The following CFAP20DC variants were observed in gnomAD, a reference collection of about 807,000 sequenced individuals.
The protein encoded by CFAP20DC is protein CFAP20DC.
In CFAP20DC, 84 loss-of-function variants were observed where a neutral mutation model predicts 101.7. The observed-to-expected ratio is 0.83, with a 90% CI of 0.69 to 0.99. The LOEUF (loss-of-function observed/expected upper bound fraction) is 0.99. Among genes scored for constraint, CFAP20DC ranks in the 50% least tolerant of loss-of-function variants. The pLI is 0.00. For missense variants in CFAP20DC, 1,007 were observed against 970.3 expected (o/e 1.04, Z -0.50); for synonymous variants, 359 against 351.2 (o/e 1.02, Z -0.25).
chr3:58,763,326 G>A (rs1299332855), intron 15 of CFAP20DC, among the ~76,000 whole-genome samples: 1 of 140,198 alleles, frequency 7.1e-6, no homozygotes, highest in African/African-American at 2.6e-5. Flanking sequence ...CCAGTTGATC[G>A]AATCGGCTAC....
chr3:58,936,605 A>T (rs1426868164), intron 5 of CFAP20DC, among the ~76,000 whole-genome samples: 1 of 152,188 alleles, frequency 6.6e-6, no homozygotes, highest in East Asian at 1.9e-4. Flanking sequence ...TAAAAAATGA[A>T]GAGTTCATGT....
intron 4 of CFAP20DC, among the ~76,000 whole-genome samples, chr3:59,032,564 T>A (rs2094016964): frequency 6.6e-6 from 1 of 152,016 alleles, no homozygotes. Flanking sequence ...CCCCTCACAG[T>A]GAAAACAAAG....
intron 6 of CFAP20DC, 53 bp from the exon 7 acceptor site, chr3:58,884,762 T>C (rs2081484392): frequency 1.4e-6 from 2 of 1,400,276 alleles, no homozygotes; most frequent in East Asian, 2.3e-5. Context: ...TTCTGCCAAA[T>C]GGACCTATCA....
chr3:58,994,895 G>T (rs1224923967), intron 4 of CFAP20DC, among the ~76,000 whole-genome samples: 1 of 151,898 alleles, frequency 6.6e-6, no homozygotes, highest in African/African-American at 2.4e-5. Context: ...AAGGTTCTTT[G>T]TGACAGGGTT....
chr3:58,798,534 T>A (rs1205597162), intron 15 of CFAP20DC, among the ~76,000 whole-genome samples: 1 of 152,216 alleles, frequency 6.6e-6, no homozygotes, highest in Non-Finnish European at 1.5e-5. Flanking sequence ...TAAACACTAG[T>A]TGTAATGACA....
At chr3:58,872,904 G>A (rs867674378) in intron 7 of CFAP20DC, among the ~76,000 whole-genome samples, 1 of 150,924 alleles carries the variant, frequency 6.6e-6, no homozygotes, top group Middle Eastern at 3.4e-3. Context: ...TGTTCAAGCA[G>A]AATTCCGGAT....
At chr3:58,883,577 A>G (rs1353399999) in intron 7 of CFAP20DC, among the ~76,000 whole-genome samples, 1 of 152,168 alleles carries the variant, frequency 6.6e-6, no homozygotes. Context: ...TTTATTTATT[A>G]TAAGTACTTA....
chr3:58,937,688 A>G lies in CFAP20DC; in HGVS notation c.353T>C (p.Leu118Pro). Residue 118 changes from leucine (L) to proline (P), a missense_variant, in exon 5 of 17, where the codon CTT becomes CCT. Transcript: ENST00000482387. ...CATGAAGAGTGGAATTTTTGCATGA[A>G]GAGGGGTGGAGGATAGTTCCTTATG... Reference protein sequence around the residue: ...TVHKELSSTPLHAKIPLFMIK... With the variant: ...TVHKELSSTPPHAKIPLFMIK... 1 of 1,612,598 alleles carries G rather than the reference A, an allele frequency of 6.2e-7. No homozygotes were observed. Among genetic ancestry groups the G allele is most frequent in the Non-Finnish European group, 8.5e-7 (1 of 1,178,664 alleles).
At chr3:58,841,029 G>T (rs2077064381) in intron 13 of CFAP20DC, among the ~76,000 whole-genome samples, 1 of 152,174 alleles carries the variant, frequency 6.6e-6, no homozygotes, top group Non-Finnish European at 1.5e-5. Context: ...TTTGACAGAG[G>T]GTTCTGTTTG....
intron 13 of CFAP20DC, among the ~76,000 whole-genome samples, chr3:58,846,998 T>G (rs2077714194): frequency 7.5e-6 from 1 of 133,116 alleles, no homozygotes; most frequent in Non-Finnish European, 1.6e-5. Flanking sequence ...TCCTTACACC[T>G]TATACAAAAA....
chr3:58,801,097 G>A (rs778617704), intron 15 of CFAP20DC, among the ~76,000 whole-genome samples: 1 of 151,926 alleles, frequency 6.6e-6, no homozygotes, highest in Admixed American at 6.6e-5. Flanking sequence ...GTAAGTTCCT[G>A]CCTTAGAGGA....
At position 59,039,604 on chromosome 3, in the gene CFAP20DC, T is replaced by C. The variant is rs917126780; in HGVS notation, c.231A>G (p.Val77=). The C allele has an allele frequency of 5.2e-6, 8 of 1,528,318 alleles. No individual in the cohort carries two copies. The highest frequency in any genetic ancestry group is 7.0e-6 in the Non-Finnish European group (8 of 1,142,174). The allele number at this position is 1,528,318 out of a possible 1,614,324, so 94.7% of individuals were successfully genotyped here. The change falls in exon 4 of 17, where the codon GTA becomes GTG. Residue 77 remains valine, a synonymous_variant. Coordinates refer to ENST00000482387, the MANE Select transcript of CFAP20DC (RefSeq NM_001394063.1). Reference sequence around the variant, plus strand: ...GTCCCAGGGGTACGTAAATCTGAAGTACAAGAAACCTCTGGATCAATCCAA... The same window carrying C: ...GTCCCAGGGGTACGTAAATCTGAAGCACAAGAAACCTCTGGATCAATCCAA... ...QSLGLIQRFL[V]LQIYVPLGQD... is the part of the protein sequence containing the mutation.
At chr3:58,953,906 T>C (rs2090387379) in intron 4 of CFAP20DC, 1 of 152,130 alleles carries the variant, frequency 6.6e-6, no homozygotes. Context: ...CATATATGAG[T>C]TAATACATTG....
chr3:58,853,525 C>T (rs1415142368), intron 12 of CFAP20DC, among the ~76,000 whole-genome samples: 2 of 151,940 alleles, frequency 1.3e-5, no homozygotes, highest in Non-Finnish European at 2.9e-5. Flanking sequence ...GGCAGAGACA[C>T]AACCAAAAAA....
rs2085380957 is a variant in CFAP20DC at position 58,921,599 on chromosome 3, T to C, written c.394-7735A>G. On this transcript the variant is annotated intron_variant, in intron 5 of 16. Coordinates refer to ENST00000482387, the MANE Select transcript of CFAP20DC (RefSeq NM_001394063.1). ...TTTAATTCCCTTATAGCACAGGGCA[T>C]CCTATGTATGATTTCAATCTTTTAA... is the stretch of plus-strand genomic sequence containing the variant. 4.6e-5 allele frequency among the ~76,000 whole-genome samples: 7 copies of C among 152,326 alleles called. No homozygotes were observed. The South Asian group carries it at 1.2e-3, about 27-fold the overall frequency.
At chr3:59,038,536 T>A (rs1362011101) in intron 4 of CFAP20DC, among the ~76,000 whole-genome samples, 1 of 152,200 alleles carries the variant, frequency 6.6e-6, no homozygotes, top group Non-Finnish European at 1.5e-5. Context: ...GTAGCAACCC[T>A]GTGTCAAGAA....
downstream of CFAP20DC, chr3:58,737,176 G>A (rs2067775874): frequency 4.4e-6 from 2 of 456,308 alleles, no homozygotes; most frequent in Non-Finnish European, 8.8e-6. This position sits in a 1 kb window ranked among gnomAD's most constrained non-coding sequence, Gnocchi z 4.1. Flanking sequence ...ATGAAAAGTG[G>A]GTCTAAAAAA....
chr3:58,853,785 C>T (rs1335434812), intron 12 of CFAP20DC, among the ~76,000 whole-genome samples: 23 of 152,266 alleles, frequency 1.5e-4, no homozygotes, highest in South Asian at 1.0e-3. Context: ...AATTCAACAA[C>T]GCTTCATGCT....
intron 4 of CFAP20DC, among the ~76,000 whole-genome samples, chr3:58,952,047 T>C (rs76850927): frequency 5.9e-4 from 90 of 152,276 alleles, no homozygotes; most frequent in East Asian, 4.4e-3. Flanking sequence ...TGGACACATA[T>C]AAAACATGAT....
Sources: allele counts gnomAD v4.1 joint callset (sites outside exome capture counted in the v4.1 genomes callset), GRCh38; gene constraint gnomAD v4.1.1; non-coding constraint Gnocchi (gnomAD v3.1); transcripts MANE v1.5; gene names NCBI Gene and HGNC (gene_info 2026-07-23, HGNC 2026-07-21).